Variants in RGS20 observed in about 807,000 individuals in gnomAD.
The protein encoded by RGS20 is gz-selective GTPase-activating protein.
Under a neutral mutation model 33.6 loss-of-function variants are expected in RGS20, and 30 were observed. The observed-to-expected ratio is 0.89, with a 90% CI of 0.67 to 1.21. The LOEUF is 1.21. Among genes scored for constraint, RGS20 ranks in the 50% most tolerant of loss-of-function variants. The pLI, the probability that RGS20 is intolerant of heterozygous loss-of-function variation, is 0.00. For missense variants in RGS20, 472 were observed against 502.4 expected (o/e 0.94, Z 0.58); for synonymous variants, 208 against 197.9 (o/e 1.05, Z -0.43).
At chr8:53,892,808 A>G (rs1316001243) in intron 2 of RGS20, among the ~76,000 whole-genome samples, 4 of 152,164 alleles carry the variant, frequency 2.6e-5, no homozygotes, top group African/African-American at 7.2e-5. Flanking sequence ...ATTTTGATAT[A>G]TTTCTATTTG....
At chr8:53,939,437 T>C in intron 2 of RGS20, 139 bp from the exon 2 acceptor site, 1 of 886,486 alleles carries the variant, frequency 1.1e-6, no homozygotes, top group East Asian at 3.2e-5. Flanking sequence ...AAGCACTAAA[T>C]TTTACGAGAA....
chr8:53,868,698 C>T (rs914344441), intron 1 of RGS20, among the ~76,000 whole-genome samples: 1 of 151,772 alleles, frequency 6.6e-6, no homozygotes, highest in Non-Finnish European at 1.5e-5. Context: ...TAGATATACT[C>T]ACTGAATTTT....
chr8:53,865,244 C>T (rs1364366445), intron 1 of RGS20, among the ~76,000 whole-genome samples: 1 of 152,214 alleles, frequency 6.6e-6, no homozygotes, highest in Non-Finnish European at 1.5e-5. Context: ...GGCCCAGGTC[C>T]GTGGGGACAA....
At chr8:53,871,456 A>T (rs1028410173) in intron 1 of RGS20, among the ~76,000 whole-genome samples, 1 of 152,000 alleles carries the variant, frequency 6.6e-6, no homozygotes, top group African/African-American at 2.4e-5. Context: ...GTCTCTACTA[A>T]AAACACAAAA....
intron 4 of RGS20, among the ~76,000 whole-genome samples, chr8:53,952,961 C>A (rs1201559301): frequency 6.6e-6 from 1 of 152,062 alleles, no homozygotes; most frequent in East Asian, 1.9e-4. Flanking sequence ...GTAGAAGTAG[C>A]ACGAAAATAA....
chr8:53,854,999 G>C (rs1563332877), intron 1 of RGS20, among the ~76,000 whole-genome samples: 2 of 152,206 alleles, frequency 1.3e-5, no homozygotes, highest in South Asian at 4.1e-4. Context: ...ATGGTGCTGA[G>C]TGGGGGAGAA....
At chr8:53,925,415 GGTAATGGTGAGGCCTGTGGCA>G (rs1196384065) in intron 2 of RGS20, among the ~76,000 whole-genome samples, 1 of 152,122 alleles carries the variant, frequency 6.6e-6, no homozygotes, top group African/African-American at 2.4e-5. Flanking sequence ...GTTTGGGTAG[GGTAATGGTGAGGCCTGTGGCA>G]GGGTTCCCAG....
intron 1 of RGS20, among the ~76,000 whole-genome samples, chr8:53,865,911 G>C (rs761402654): frequency 2.0e-5 from 3 of 152,192 alleles, no homozygotes; most frequent in Non-Finnish European, 4.4e-5. Flanking sequence ...CTGGCCAACT[G>C]CTTAGGGTTT....
intron 2 of RGS20, among the ~76,000 whole-genome samples, chr8:53,891,170 CA>C (rs145554480): frequency 0.012 from 1,838 of 152,194 alleles, 14 homozygotes; most frequent in Non-Finnish European, 0.019. Flanking sequence ...CAAAAGCCCT[CA>C]GGAAAAAAAC....
chr8:53,877,449 C>T lies in RGS20; in HGVS notation c.166-1809C>T, dbSNP rs1812234273. Among the ~76,000 whole-genome samples the T allele has an allele frequency of 6.6e-6, 1 of 152,200 alleles. No homozygotes were observed. Among genetic ancestry groups the T allele is most frequent in the Non-Finnish European group, 1.5e-5 (1 of 68,018 alleles). On this transcript the variant is annotated intron_variant, in intron 1 of 5. Coordinates refer to ENST00000297313, the MANE Select transcript of RGS20 (RefSeq NM_170587.4). The surrounding 1 kb of genome is among the most constrained non-coding windows in gnomAD (Gnocchi z 5.7). ...CGCTTGGCGGCAGCTGAGCCTCCAC[C>T]CCAAGCCCCAGCCGGAGGGGCGCGT... is the stretch of plus-strand genomic sequence containing the variant.
intron 2 of RGS20, among the ~76,000 whole-genome samples, chr8:53,920,215 T>C (rs1212749865): frequency 2.6e-5 from 4 of 152,204 alleles, no homozygotes; most frequent in African/African-American, 4.8e-5. Flanking sequence ...GTTTTGTGGT[T>C]TCCAGTGTAT....
At chr8:53,863,988 A>G (rs1811866145) in intron 1 of RGS20, among the ~76,000 whole-genome samples, 1 of 151,966 alleles carries the variant, frequency 6.6e-6, no homozygotes, top group Non-Finnish European at 1.5e-5. Context: ...CGGCCTCCCA[A>G]AGTGGTGGGA....
chr8:53,910,635 A>G (rs1284828929), intron 2 of RGS20, among the ~76,000 whole-genome samples: 1 of 152,252 alleles, frequency 6.6e-6, no homozygotes, highest in Non-Finnish European at 1.5e-5. Context: ...ATCTCTGCAC[A>G]AATGTTTATA....
intron 2 of RGS20, among the ~76,000 whole-genome samples, chr8:53,895,855 C>A (rs1436847551): frequency 1.3e-5 from 2 of 152,030 alleles, no homozygotes; most frequent in Non-Finnish European, 2.9e-5. Flanking sequence ...CCATGTTGGT[C>A]AGAGTTGTTT....
At chr8:53,921,141 A>G (rs1049159627) in intron 2 of RGS20, among the ~76,000 whole-genome samples, 4 of 152,230 alleles carry the variant, frequency 2.6e-5, no homozygotes, top group African/African-American at 4.8e-5. Flanking sequence ...ATGTTAAACT[A>G]ACCTTGCATT....
intron 3 of RGS20, among the ~76,000 whole-genome samples, chr8:53,940,100 T>C (rs1418364069): frequency 6.6e-6 from 1 of 152,204 alleles, no homozygotes; most frequent in Non-Finnish European, 1.5e-5. Flanking sequence ...GTTAGGGCGA[T>C]GAAGTAGAGG....
intron 2 of RGS20, among the ~76,000 whole-genome samples, chr8:53,896,277 C>A (rs1786746321): frequency 6.6e-6 from 1 of 151,846 alleles, no homozygotes; most frequent in South Asian, 2.1e-4. Context: ...GAGATGCTGT[C>A]CCCCCCAAAA....
intron 3 of RGS20, among the ~76,000 whole-genome samples, chr8:53,942,139 G>A (rs1814316225): frequency 6.6e-6 from 1 of 152,110 alleles, no homozygotes; most frequent in Non-Finnish European, 1.5e-5. Flanking sequence ...CAGGCATGGG[G>A]GCACATGCCC....
chr8:53,925,244 T>C (rs527952179), intron 2 of RGS20, among the ~76,000 whole-genome samples: 1 of 152,328 alleles, frequency 6.6e-6, no homozygotes, highest in East Asian at 1.9e-4. Context: ...TGCCCCAGCT[T>C]GCCTAGAGTC....
Sources: allele counts gnomAD v4.1 joint callset (sites outside exome capture counted in the v4.1 genomes callset), GRCh38; gene constraint gnomAD v4.1.1; non-coding constraint Gnocchi (gnomAD v3.1); transcripts MANE v1.5; gene names NCBI Gene and HGNC (gene_info 2026-07-23, HGNC 2026-07-21).